Variants in RFLNA observed in about 807,000 individuals in gnomAD.
RFLNA encodes the protein refilin-A.
A neutral mutation model predicts 7.8 loss-of-function variants in RFLNA; 5 were observed. The ratio of observed to expected loss-of-function variants is 0.64; its 90% CI spans 0.34 to 1.35. The LOEUF is 1.35. RFLNA is among the 40% of genes most tolerant of loss of function. RFLNA has a pLI of 0.04. For synonymous variants in RFLNA, 141 were observed against 131.3 expected, an observed-to-expected ratio of 1.07 and a Z score of -0.50; for missense variants, 278 against 305.5, an observed-to-expected ratio of 0.91 and a Z score of 0.67.
At chr12:124,300,717 AGGGTGGATGGATGCAT>A (rs1331223842) in intron 1 of RFLNA, among the ~76,000 whole-genome samples, 7 of 133,780 alleles carry the variant, frequency 5.2e-5, no homozygotes, top group African/African-American at 2.0e-4. Flanking sequence ...GATGGGCAGA[AGGGTGGATGGATGCAT>A]GGATGGATGG....
chr12:124,309,978 G>A (rs2034209317), intron 1 of RFLNA, among the ~76,000 whole-genome samples: 1 of 151,976 alleles, frequency 6.6e-6, no homozygotes, highest in African/African-American at 2.4e-5. Flanking sequence ...CGATCAGCCT[G>A]GGCAACATAG....
At chr12:124,302,569 C>G (rs969122744) in intron 1 of RFLNA, among the ~76,000 whole-genome samples, 4 of 152,160 alleles carry the variant, frequency 2.6e-5, no homozygotes, top group Non-Finnish European at 5.9e-5. Flanking sequence ...GCCCCCTGCC[C>G]CAGGATTCGC....
chr12:124,295,392 C>T lies in RFLNA; in HGVS notation c.-38C>T, dbSNP rs910855502. 1.1e-4 allele frequency: 135 copies of T among 1,175,048 alleles called. No homozygotes were observed. The highest frequency in any genetic ancestry group is 1.7e-4 in the South Asian group (4 of 23,532). 72.8% of individuals were successfully genotyped at this position (1,175,048 alleles called of 1,614,324 possible). ...CCCCGGAGCGCGGTGGAGAAGCCCC[C>T]GGAGGAGCGGGGGGCCCGCGCCCCG... On this transcript the variant is annotated 5_prime_UTR_variant, in exon 1 of 3. Coordinates refer to ENST00000546355, the MANE Select transcript of RFLNA (RefSeq NM_001365156.1).
upstream of RFLNA, among the ~76,000 whole-genome samples, chr12:124,291,536 C>T (rs952776009): frequency 1.3e-5 from 2 of 152,182 alleles, no homozygotes; most frequent in African/African-American, 4.8e-5. Context: ...GGATTACAGG[C>T]ATGAGCCACC....
At chr12:124,309,215 G>A (rs571271954) in intron 1 of RFLNA, among the ~76,000 whole-genome samples, 32 of 152,202 alleles carry the variant, frequency 2.1e-4, no homozygotes, top group Middle Eastern at 3.4e-3. Flanking sequence ...CCCCCCCACC[G>A]ATCACATCCC....
At chr12:124,291,275 G>C (rs897714413), upstream of RFLNA, among the ~76,000 whole-genome samples, 3 of 152,010 alleles carry the variant, frequency 2.0e-5, no homozygotes, top group African/African-American at 7.3e-5. Context: ...ATTTTTTTGA[G>C]TTGGAGTCTC....
rs76440711 is a variant in RFLNA at position 124,307,014 on chromosome 12, C to T, written c.208-4804C>T. ...ATAGGGTCCCCACCACCTGCTGTCC[C>T]CCGTGGGAGCCAGCTATCCCCTCTT... On this transcript the variant is annotated intron_variant, in intron 1 of 2. Coordinates refer to ENST00000546355, the MANE Select transcript of RFLNA (RefSeq NM_001365156.1). Among the ~76,000 whole-genome samples the T allele has an allele frequency of 3.8e-3, 584 of 152,280 alleles. 1 individual carries two copies. The highest frequency in any genetic ancestry group is 6.5e-3 in the Non-Finnish European group (440 of 68,004).
At position 124,308,069 on chromosome 12, in the gene RFLNA, C is replaced by T. The variant is rs138870521; in HGVS notation, c.208-3749C>T. Among the ~76,000 whole-genome samples the T allele has an allele frequency of 3.7e-4, 56 of 151,902 alleles. No individual in the cohort carries two copies. The East Asian group carries it at 9.9e-3, about 27-fold the overall frequency. The stretch of plus-strand genomic sequence containing the variant: ...CGATCTCGGCTCACTGCAACCTCTG[C>T]CTCCTGGGTTTGAGCGATCCTCCTG... On this transcript the variant is annotated intron_variant, in intron 1 of 2. Transcript: ENST00000546355.
chr12:124,290,997 G>A (rs1003855683), upstream of RFLNA, among the ~76,000 whole-genome samples: 11 of 152,228 alleles, frequency 7.2e-5, no homozygotes, highest in African/African-American at 1.2e-4. The surrounding 1 kb of genome is among the most constrained non-coding windows in gnomAD (Gnocchi z 4.0). Flanking sequence ...CCTCCAATGC[G>A]CTCAGATGGC....
rs750480482 is a variant in RFLNA at position 124,295,423 on chromosome 12, C to T, written c.-7C>T. 32 of 1,231,406 alleles carry T rather than the reference C, an allele frequency of 2.6e-5. No individual in the cohort carries two copies. The highest frequency in any genetic ancestry group is 3.0e-5 in the Non-Finnish European group (30 of 987,190). The allele number at this position is 1,231,406 out of a possible 1,614,324, so 76.3% of individuals were successfully genotyped here. On this transcript the variant is annotated 5_prime_UTR_variant, in exon 1 of 3. Coordinates refer to ENST00000546355, the MANE Select transcript of RFLNA (RefSeq NM_001365156.1). Reference sequence around the variant, plus strand: ...AGCGGGGGGCCCGCGCCCCGCGCCCCCCAGACATGGTGGGCCACCTGCATC... The same window carrying T: ...AGCGGGGGGCCCGCGCCCCGCGCCCTCCAGACATGGTGGGCCACCTGCATC...
intron 1 of RFLNA, among the ~76,000 whole-genome samples, chr12:124,311,110 G>A: frequency 6.6e-6 from 1 of 152,220 alleles, no homozygotes; most frequent in East Asian, 1.9e-4. Context: ...CACGGTGGGG[G>A]CTGTCTCCAC....
intron 1 of RFLNA, 185 bp from the exon 2 acceptor site, chr12:124,311,633 A>G: frequency 1.9e-6 from 1 of 514,170 alleles, no homozygotes; most frequent in Non-Finnish European, 3.4e-6. Context: ...CCTGGATCCC[A>G]TGGAGGGCGT....
At chr12:124,307,781 G>A (rs1454129408) in intron 1 of RFLNA, among the ~76,000 whole-genome samples, 1 of 152,168 alleles carries the variant, frequency 6.6e-6, no homozygotes, top group Non-Finnish European at 1.5e-5. Context: ...TGGGTGGCCT[G>A]AGGAAACAGA....
In RFLNA at chr12:124,306,281, C is replaced by T. The variant is rs1033066637; in HGVS notation, c.208-5537C>T. On this transcript the variant is annotated intron_variant, in intron 1 of 2. Transcript: ENST00000546355. This position sits in a 1 kb window ranked among gnomAD's most constrained non-coding sequence, Gnocchi z 5.2. ...CGCGATGAAGGCCAGTAGATGGGTG[C>T]TCCCGTGTCCCCACAGAGGATGCCC... 2.0e-5 allele frequency among the ~76,000 whole-genome samples: 3 copies of T among 152,182 alleles called. No individual in the cohort carries two copies. The highest frequency in any genetic ancestry group is 7.2e-5 in the African/African-American group (3 of 41,436).
At chr12:124,290,570 ATG>A (rs556699495), upstream of RFLNA, among the ~76,000 whole-genome samples, 367 of 152,082 alleles carry the variant, frequency 2.4e-3, 6 homozygotes, top group African/African-American at 8.4e-3. The surrounding 1 kb of genome is among the most constrained non-coding windows in gnomAD (Gnocchi z 4.0). Context: ...GTACATGTAT[ATG>A]TGTGTGCATA....
chr12:124,298,697 C>T (rs532754755), intron 1 of RFLNA, among the ~76,000 whole-genome samples: 126 of 152,318 alleles, frequency 8.3e-4, no homozygotes, highest in African/African-American at 2.9e-3. Flanking sequence ...TGTGTGGCAG[C>T]AGCAGGTGGA....
upstream of RFLNA, among the ~76,000 whole-genome samples, chr12:124,290,557 T>C (rs920748936): frequency 1.3e-5 from 2 of 152,186 alleles, no homozygotes; most frequent in African/African-American, 2.4e-5. The surrounding 1 kb of genome is among the most constrained non-coding windows in gnomAD (Gnocchi z 4.0). Flanking sequence ...CATGTTTATG[T>C]GTGTACATGT....
chr12:124,304,813 T>A (rs2034110177), intron 1 of RFLNA, among the ~76,000 whole-genome samples: 1 of 152,170 alleles, frequency 6.6e-6, no homozygotes, highest in African/African-American at 2.4e-5. Flanking sequence ...CACACTGGTG[T>A]CGTCCTCTCT....
chr12:124,295,725 G>A (rs2033896455), intron 1 of RFLNA, 89 bp downstream of exon 1: 1 of 1,181,942 alleles, frequency 8.5e-7, no homozygotes, highest in African/African-American at 1.6e-5. Context: ...TGCAGCAGCA[G>A]GACGTGCCTC....
Sources: allele counts gnomAD v4.1 joint callset (sites outside exome capture counted in the v4.1 genomes callset), GRCh38; gene constraint gnomAD v4.1.1; non-coding constraint Gnocchi (gnomAD v3.1); transcripts MANE v1.5; gene names NCBI Gene and HGNC (gene_info 2026-07-23, HGNC 2026-07-21).